The following MPPED2 variants were observed in gnomAD, a reference collection of about 807,000 sequenced individuals.
MPPED2 encodes the protein metallophosphoesterase domain containing 2.
A neutral mutation model predicts 33.0 loss-of-function variants in MPPED2; 5 were observed. The observed-to-expected ratio is 0.15, with a 90% CI of 0.08 to 0.32. The LOEUF is 0.32. MPPED2 is among the 10% of genes least tolerant of loss of function. The pLI is 1.00. For synonymous variants in MPPED2, 136 were observed against 141.9 expected (o/e 0.96, Z 0.29); for missense variants, 275 against 372.1 (o/e 0.74, Z 2.15).
intron 3 of MPPED2, among the ~76,000 whole-genome samples, chr11:30,534,083 C>G (rs1954681429): frequency 6.6e-6 from 1 of 152,132 alleles, no homozygotes; most frequent in African/African-American, 2.4e-5. Context: ...AGTATTAATC[C>G]TTCGTCCTGC....
At chr11:30,453,957 T>C (rs572009398) in intron 4 of MPPED2, among the ~76,000 whole-genome samples, 1 of 152,274 alleles carries the variant, frequency 6.6e-6, no homozygotes, top group South Asian at 2.1e-4. Context: ...GGCTGTGATA[T>C]ACAAAGGAGT....
chr11:30,397,780 G>C (rs1590155242), intron 6 of MPPED2, among the ~76,000 whole-genome samples: 2 of 152,082 alleles, frequency 1.3e-5, no homozygotes, highest in African/African-American at 4.8e-5. Flanking sequence ...CTAGTGGGGA[G>C]TAGAGTCTTG....
chr11:30,537,585 C>T (rs1954881588), intron 2 of MPPED2, among the ~76,000 whole-genome samples: 2 of 152,102 alleles, frequency 1.3e-5, no homozygotes, highest in South Asian at 4.1e-4. Context: ...TGGATAGTCC[C>T]ACATTTCTTC....
intron 4 of MPPED2, among the ~76,000 whole-genome samples, chr11:30,482,719 T>C (rs1490233941): frequency 6.6e-6 from 1 of 152,126 alleles, no homozygotes; most frequent in East Asian, 1.9e-4. Context: ...AATCCACTGA[T>C]TCTGTTTATT....
At chr11:30,469,339 G>T (rs570578155) in intron 4 of MPPED2, among the ~76,000 whole-genome samples, 5 of 151,788 alleles carry the variant, frequency 3.3e-5, no homozygotes, top group South Asian at 2.1e-4. Context: ...CAAAATAATG[G>T]CTAATATTCA....
chr11:30,517,490 T>C lies in MPPED2; in HGVS notation c.310+18504A>G, dbSNP rs1256312269. 2.6e-5 allele frequency among the ~76,000 whole-genome samples: 4 copies of C among 152,334 alleles called. No individual in the cohort carries two copies. The East Asian group carries it at 7.7e-4, about 29-fold the overall frequency. On this transcript the variant is annotated intron_variant, in intron 3 of 6. Transcript: ENST00000358117. Reference sequence around the variant, plus strand: ...GAGGAGCTTTGTTATATTTTACAAATGAATGGACAGAACACTATATACTAT... The same window carrying C: ...GAGGAGCTTTGTTATATTTTACAAACGAATGGACAGAACACTATATACTAT...
intron 4 of MPPED2, among the ~76,000 whole-genome samples, chr11:30,473,529 G>A (rs1205913007): frequency 2.0e-5 from 3 of 151,996 alleles, no homozygotes; most frequent in African/African-American, 7.3e-5. Flanking sequence ...TAAGATGATG[G>A]GTAGCCTCTA....
chr11:30,448,106 A>G (rs1443087767), intron 4 of MPPED2, among the ~76,000 whole-genome samples: 2 of 152,200 alleles, frequency 1.3e-5, no homozygotes, highest in African/African-American at 4.8e-5. Flanking sequence ...GTATTTTTTC[A>G]GACGTGAATG....
intron 2 of MPPED2, among the ~76,000 whole-genome samples, 196 bp downstream of exon 2, chr11:30,580,050 G>T (rs1198269520): frequency 6.6e-6 from 1 of 152,178 alleles, no homozygotes; most frequent in African/African-American, 2.4e-5. Flanking sequence ...GTGGTTGAAA[G>T]TGCTCTGAAA....
chr11:30,471,602 C>A (rs1046432699), intron 4 of MPPED2, among the ~76,000 whole-genome samples: 1 of 152,208 alleles, frequency 6.6e-6, no homozygotes, highest in African/African-American at 2.4e-5. Context: ...ATTGCTGTAG[C>A]ACTTGTGACA....
At chr11:30,503,253 G>A (rs549304371) in intron 3 of MPPED2, among the ~76,000 whole-genome samples, 36 of 152,050 alleles carry the variant, frequency 2.4e-4, no homozygotes, top group South Asian at 6.3e-4. Flanking sequence ...TTCCCCTTCC[G>A]CCATGATTAT....
At chr11:30,435,881 A>G (rs1949302055) in intron 4 of MPPED2, among the ~76,000 whole-genome samples, 1 of 152,094 alleles carries the variant, frequency 6.6e-6, no homozygotes, top group African/African-American at 2.4e-5. Context: ...CTAACAAGCT[A>G]CAGGGCAAAG....
At chr11:30,390,686 A>G (rs1351782560) in intron 6 of MPPED2, among the ~76,000 whole-genome samples, 1 of 152,160 alleles carries the variant, frequency 6.6e-6, no homozygotes, top group African/African-American at 2.4e-5. Flanking sequence ...ACAACAACTT[A>G]TTGTTATATC....
intron 2 of MPPED2, among the ~76,000 whole-genome samples, chr11:30,538,644 T>C (rs1193212802): frequency 1.3e-5 from 2 of 152,104 alleles, no homozygotes; most frequent in Non-Finnish European, 2.9e-5. Flanking sequence ...GAAAAGTGTT[T>C]CTTCTCAGCT....
At chr11:30,517,700 G>A (rs1049305318) in intron 3 of MPPED2, among the ~76,000 whole-genome samples, 10 of 151,958 alleles carry the variant, frequency 6.6e-5, no homozygotes, top group African/African-American at 2.2e-4. Flanking sequence ...CTGTAAGCAC[G>A]GACACCCTCA....
chr11:30,515,343 G>C (rs1053652884), intron 3 of MPPED2, among the ~76,000 whole-genome samples: 20 of 152,058 alleles, frequency 1.3e-4, no homozygotes, highest in African/African-American at 4.8e-4. Flanking sequence ...AGAGAACCAG[G>C]GAAGAGCTCA....
At chr11:30,412,749 A>T (rs1330352827) in intron 6 of MPPED2, among the ~76,000 whole-genome samples, 1 of 152,218 alleles carries the variant, frequency 6.6e-6, no homozygotes, top group African/African-American at 2.4e-5. Context: ...AGACAAGTTT[A>T]TATGAATATG....
intron 4 of MPPED2, among the ~76,000 whole-genome samples, chr11:30,471,727 A>G (rs1472143596): frequency 6.6e-6 from 1 of 152,202 alleles, no homozygotes; most frequent in Non-Finnish European, 1.5e-5. Flanking sequence ...ACTGTGCCTG[A>G]CATTACAGTG....
intron 2 of MPPED2, among the ~76,000 whole-genome samples, chr11:30,556,140 C>T (rs1032368551): frequency 6.6e-6 from 1 of 152,074 alleles, no homozygotes; most frequent in Admixed American, 6.6e-5. Flanking sequence ...GTGGAAAGTC[C>T]GGGAACTAAT....
Sources: gnomAD v4.1 joint callset for allele counts (sites outside exome capture counted in the v4.1 genomes callset) on GRCh38, gnomAD v4.1.1 for gene constraint, MANE v1.5 for transcripts, NCBI Gene and HGNC (gene_info 2026-07-23, HGNC 2026-07-21) for gene names.